Variants in ERCC6 observed in about 807,000 individuals in gnomAD.
ERCC6 encodes the protein ERCC excision repair 6, chromatin remodeling factor, also known as DNA excision repair protein ERCC-6.
A neutral mutation model predicts 158.7 loss-of-function variants in ERCC6; 116 were observed. The observed-to-expected ratio is 0.73, with a 90% CI of 0.63 to 0.85. ERCC6 has a LOEUF of 0.85. Among genes scored for constraint, ERCC6 ranks in the 40% least tolerant of loss-of-function variants. The pLI is 0.00. For synonymous variants in ERCC6, 678 were observed against 659.3 expected, an observed-to-expected ratio of 1.03 and a Z score of -0.43; for missense variants, 1,698 against 1,799.4, an observed-to-expected ratio of 0.94 and a Z score of 1.02.
intron 4 of ERCC6, among the ~76,000 whole-genome samples, chr10:49,525,525 T>C (rs910973726): frequency 9.9e-5 from 15 of 152,202 alleles, no homozygotes; most frequent in Admixed American, 4.6e-4. Context: ...AGTATCCCTC[T>C]TTCATTAGTT....
At chr10:49,449,562 T>A, downstream of ERCC6, among the ~76,000 whole-genome samples, 1 of 29,084 alleles carries the variant, frequency 3.4e-5, no homozygotes, top group Admixed American at 5.2e-4. Flanking sequence ...AGTTAGGTCT[T>A]TTTTTTTTTT....
chr10:49,480,843 C>G (rs1268242919), intron 10 of ERCC6, among the ~76,000 whole-genome samples: 1 of 152,158 alleles, frequency 6.6e-6, no homozygotes, highest in Non-Finnish European at 1.5e-5. Context: ...CAAACCCAAA[C>G]TGAGGTACAT....
intron 7 of ERCC6, 71 bp downstream of exon 7, chr10:49,500,467 C>T: frequency 1.3e-6 from 2 of 1,508,562 alleles, no homozygotes; most frequent in Admixed American, 3.3e-5. Flanking sequence ...CAAGACCCTC[C>T]TCCACAGCAA....
At chr10:49,448,927 A>G in the ERCC6 span, among the ~76,000 whole-genome samples, 1 of 152,354 alleles carries the variant, frequency 6.6e-6, no homozygotes, top group East Asian at 1.9e-4. Flanking sequence ...ATTACGAACA[A>G]TGCTGCTAGA....
the ERCC6 span, among the ~76,000 whole-genome samples, chr10:49,443,349 C>T: frequency 1.3e-5 from 2 of 152,240 alleles, no homozygotes; most frequent in South Asian, 4.1e-4. Flanking sequence ...TACTTGTATA[C>T]TATTTAGATA....
At chr10:49,462,325 A>G (rs1415140326) in intron 18 of ERCC6, among the ~76,000 whole-genome samples, 1 of 152,206 alleles carries the variant, frequency 6.6e-6, no homozygotes, top group Non-Finnish European at 1.5e-5. Flanking sequence ...GGGGCATTTT[A>G]TCTTTGAACC....
downstream of ERCC6, among the ~76,000 whole-genome samples, chr10:49,449,406 C>T (rs1850393839): frequency 6.6e-6 from 1 of 152,060 alleles, no homozygotes; most frequent in Non-Finnish European, 1.5e-5. Flanking sequence ...TCCTTCAAAG[C>T]ACAAAAGCTT....
intron 20 of ERCC6, 96 bp from the exon 21 acceptor site, chr10:49,459,330 T>A: frequency 7.4e-7 from 1 of 1,349,084 alleles, no homozygotes; most frequent in Non-Finnish European, 1.0e-6. Context: ...AGACAACACA[T>A]GTGCCAGGGT....
chr10:49,450,819 T>C (rs1850411202), downstream of ERCC6, among the ~76,000 whole-genome samples: 1 of 151,454 alleles, frequency 6.6e-6, no homozygotes. Context: ...AAATACGATT[T>C]TTTTTTTTTT....
chr10:49,481,770 C>T (rs1162162976), intron 10 of ERCC6, among the ~76,000 whole-genome samples: 1 of 152,224 alleles, frequency 6.6e-6, no homozygotes, highest in East Asian at 1.9e-4. Flanking sequence ...TCCATCTCCT[C>T]GATCCTGTCA....
At chr10:49,490,097 G>A (rs1340069639) in intron 8 of ERCC6, among the ~76,000 whole-genome samples, 1 of 152,166 alleles carries the variant, frequency 6.6e-6, no homozygotes, top group Non-Finnish European at 1.5e-5. Context: ...ACCATTAAAA[G>A]AGATTCAGAA....
At chr10:49,503,954 G>A (rs1851397462) in intron 6 of ERCC6, 1 of 152,118 alleles carries the variant, frequency 6.6e-6, no homozygotes, top group South Asian at 2.1e-4. Context: ...ATTGAAGTTT[G>A]TCATTTGACT....
At chr10:49,499,894 C>T (rs1564429823) in intron 7 of ERCC6, among the ~76,000 whole-genome samples, 1 of 150,966 alleles carries the variant, frequency 6.6e-6, no homozygotes. Context: ...TAGGTAGTCA[C>T]TTACGTTTTG....
In ERCC6 at chr10:49,456,255, C is replaced by G. The variant is rs1045294659; in HGVS notation, c.*2560G>C. 4.6e-5 allele frequency: 7 copies of G among 152,210 alleles called. No homozygotes were observed. The highest frequency in any genetic ancestry group is 1.7e-4 in the African/African-American group (7 of 41,446). The allele number at this position is 152,210 out of a possible 1,614,324, so 9.4% of individuals were successfully genotyped here. Reference sequence around the variant, plus strand: ...CTTCCTCAACACATCACTTCCATCTCTTGAGATGCCAGGTCACTACTGAAG... The same window carrying G: ...CTTCCTCAACACATCACTTCCATCTGTTGAGATGCCAGGTCACTACTGAAG... On this transcript the variant is annotated 3_prime_UTR_variant, in exon 21 of 21. Transcript: ENST00000355832.
rs4253224 is a variant in ERCC6, at chr10:49,459,623, T to A, written c.4063-389A>T. The stretch of plus-strand genomic sequence containing the variant: ...TGTTCTTCCTCTCAAATGGACCCTG[T>A]ACACTGTGGATAAGGAACAATATCA... On this transcript the variant is annotated intron_variant, in intron 20 of 20. Coordinates refer to ENST00000355832, the MANE Select transcript of ERCC6 (RefSeq NM_000124.4). 5.8e-3 allele frequency among the ~76,000 whole-genome samples: 887 copies of A among 152,282 alleles called. 4 individuals carry two copies. Among genetic ancestry groups the A allele is most frequent in the Middle Eastern group, 0.017 (5 of 294 alleles).
chr10:49,521,309 C>T (rs760573030), intron 5 of ERCC6, among the ~76,000 whole-genome samples: 11 of 152,172 alleles, frequency 7.2e-5, no homozygotes, highest in Non-Finnish European at 1.6e-4. Context: ...TCTTCTGGGC[C>T]ACACAGGGCT....
chr10:49,488,013 G>C (rs1851105108), intron 8 of ERCC6: 1 of 153,462 alleles, frequency 6.5e-6, no homozygotes, highest in Non-Finnish European at 1.5e-5. Flanking sequence ...TTCAATAATG[G>C]TGAATTGTTG....
Position 49,454,561 on chromosome 10 carries a change from G to A in ERCC6, c.*4254C>T, listed in dbSNP as rs559988377. 7.4e-4 allele frequency among the ~76,000 whole-genome samples: 112 copies of A among 152,302 alleles called. No homozygotes were observed. Among genetic ancestry groups the A allele is most frequent in the African/African-American group, 2.5e-3 (102 of 41,560 alleles). On this transcript the variant is annotated 3_prime_UTR_variant, in exon 21 of 21. Transcript: ENST00000355832. ...AGTGTTTGTGTCTCTCTGTATGAGA[G>A]GAAGGTGTTTATTTTTTGTTACAAT... is the stretch of plus-strand genomic sequence containing the variant.
chr10:49,492,638 A>G (rs1012707464), intron 8 of ERCC6, among the ~76,000 whole-genome samples: 9 of 152,252 alleles, frequency 5.9e-5, no homozygotes, highest in African/African-American at 1.9e-4. Context: ...CAAGGATTCA[A>G]GGAACAAAAC....
Sources: gnomAD v4.1 joint callset for allele counts (sites outside exome capture counted in the v4.1 genomes callset) on GRCh38, gnomAD v4.1.1 for gene constraint, MANE v1.5 for transcripts, NCBI Gene and HGNC (gene_info 2026-07-23, HGNC 2026-07-21) for gene names.